Variants in CD68 observed in about 807,000 individuals in gnomAD.
CD68 encodes macrosialin.
Under a neutral mutation model 31.3 loss-of-function variants are expected in CD68, and 24 were observed. The ratio of observed to expected loss-of-function variants is 0.77; its 90% CI spans 0.55 to 1.08. The LOEUF is 1.08. CD68 is among the 50% of genes least tolerant of loss of function. CD68 has a pLI of 0.00. For synonymous variants in CD68, 190 were observed against 179.6 expected, an observed-to-expected ratio of 1.06 and a Z score of -0.46; for missense variants, 461 against 442.5, an observed-to-expected ratio of 1.04 and a Z score of -0.38.
Position 7,580,903 on chromosome 17 carries a change from A to T in CD68, c.768A>T (p.Thr256=), listed in dbSNP as rs2071476474. 6.2e-7 allele frequency: 1 copy of T among 1,613,824 alleles called. No homozygotes were observed. The highest frequency in any genetic ancestry group is 8.5e-7 in the Non-Finnish European group (1 of 1,179,960). The part of the protein sequence containing the change: ...NVSFPHAAQW[T]FSAQNASLRD... ...CCTTCCTCACTCCTCCAGAGTGGAC[A>T]TTCTCGGCTCAGAATGCATCCCTTC... Residue 256 remains threonine, a synonymous_variant, in exon 5 of 6, where the codon ACA becomes ACT. Coordinates refer to ENST00000250092, the MANE Select transcript of CD68 (RefSeq NM_001251.3). This position sits in a 1 kb window ranked among gnomAD's most constrained non-coding sequence, Gnocchi z 4.3.
intron 5 of CD68, 125 bp downstream of exon 5, chr17:7,581,191 G>A: frequency 8.6e-7 from 1 of 1,158,180 alleles, no homozygotes; most frequent in South Asian, 1.4e-5. Context: ...GCTTGTCATG[G>A]CTACAGGGCA....
intron 5 of CD68, 71 bp from the exon 6 acceptor site, chr17:7,581,307 A>C (rs1034406639): frequency 2.0e-5 from 31 of 1,546,186 alleles, no homozygotes; most frequent in African/African-American, 1.6e-4. Context: ...GCATCCCCCC[A>C]TTCCCTCCTC....
Position 7,581,869 on chromosome 17 carries a change from GAGCCGTCATCGCGCCACTA to G in CD68, c.*363_*381del, listed in dbSNP as rs1400498668. 10 of 261,862 alleles carry G rather than the reference GAGCCGTCATCGCGCCACTA, an allele frequency of 3.8e-5. No homozygotes were observed. The East Asian group carries it at 8.9e-4, about 23-fold the overall frequency. The allele number at this position is 261,862 out of a possible 1,614,324, so 16.2% of individuals were successfully genotyped here. On this transcript the variant is annotated 3_prime_UTR_variant, in exon 6 of 6. Transcript: ENST00000250092. Reference sequence around the variant, plus strand: ...GAACCCAGGAGGTGGAGGTTGCAGTGAGCCGTCATCGCGCCACTAAGCCAAGATCGCGCCACTGCACTCC... The same window carrying G: ...GAACCCAGGAGGTGGAGGTTGCAGTGAGCCAAGATCGCGCCACTGCACTCC...
Position 7,581,494 on chromosome 17 carries a change from G to A in CD68, c.1048G>A (p.Ala350Thr), listed in dbSNP as rs9901675. ...AFCIIRRRPS[A>T]YQAL Reference sequence around the variant, plus strand: ...CTGCATCATCCGGAGACGCCCATCCGCCTACCAGGCCCTCTGAGCATTTGC... The same window carrying A: ...CTGCATCATCCGGAGACGCCCATCCACCTACCAGGCCCTCTGAGCATTTGC... Residue 350 changes from alanine to threonine, a missense_variant, in exon 6 of 6, where the codon GCC becomes ACC. Transcript: ENST00000250092. 86,039 of 1,614,022 alleles carry A rather than the reference G, an allele frequency of 0.053. 2,547 individuals carry two copies. The highest frequency in any genetic ancestry group is 0.1 in the South Asian group (9,506 of 91,084).
rs764970989 is a variant in CD68 at position 7,580,376 on chromosome 17, T to C, written c.567+49T>C. On this transcript the variant is annotated intron_variant, in intron 2 of 5. Coordinates refer to ENST00000250092, the MANE Select transcript of CD68 (RefSeq NM_001251.3). The surrounding 1 kb of genome is among the most constrained non-coding windows in gnomAD (Gnocchi z 4.3). ...GAGGGGAGGGAGGCAGGACTGGATA[T>C]AGGCTCAGAGGGAAGAAGGAAGAGG... 1.9e-6 allele frequency: 3 copies of C among 1,608,684 alleles called. No homozygotes were observed. Among genetic ancestry groups the C allele is most frequent in the Middle Eastern group, 1.7e-4 (1 of 6,036 alleles).
rs531871445 is a variant in CD68 at position 7,579,804 on chromosome 17, C to T, written c.50-6C>T. On this transcript the variant is annotated splice_polypyrimidine_tract_variant and splice_region_variant and intron_variant, in intron 1 of 5. Coordinates refer to ENST00000250092, the MANE Select transcript of CD68 (RefSeq NM_001251.3). The stretch of plus-strand genomic sequence containing the variant: ...GGGTTGCTAACCATCTCCTCTCTGC[C>T]AAAAGCCCAGGGGACAGGGAATGAC... The T allele has an allele frequency of 1.2e-5, 20 of 1,610,730 alleles. No individual in the cohort carries two copies. The highest frequency in any genetic ancestry group is 1.7e-5 in the Admixed American group (1 of 59,796).
At position 7,580,498 on chromosome 17, in the gene CD68, A is replaced by T; in HGVS notation, c.600A>T (p.Lys200Asn). The T allele has an allele frequency of 6.2e-7, 1 of 1,613,852 alleles. No individual in the cohort carries two copies. Among genetic ancestry groups the T allele is most frequent in the Non-Finnish European group, 8.5e-7 (1 of 1,179,932 alleles). Reference protein sequence around the residue: ...AWGISVLNPNKTKVQGSCEGA... With the variant: ...AWGISVLNPNNTKVQGSCEGA... ...GCATCTCTGTACTGAACCCCAACAA[A>T]ACCAAGGTCCAGGGAAGCTGTGAGG... Residue 200 changes from lysine to asparagine, a missense_variant, in exon 3 of 6, where the codon AAA becomes AAT. Lys to Asn is a moderately conservative substitution (Grantham distance 94, BLOSUM62 0). Coordinates refer to ENST00000250092, the MANE Select transcript of CD68 (RefSeq NM_001251.3). The surrounding 1 kb of genome is among the most constrained non-coding windows in gnomAD (Gnocchi z 4.3).
At position 7,580,654 on chromosome 17, in the gene CD68, G is replaced by A. The variant is rs2071472311; in HGVS notation, c.688-57G>A. 7 of 1,613,354 alleles carry A rather than the reference G, an allele frequency of 4.3e-6. No homozygotes were observed. The highest frequency in any genetic ancestry group is 1.7e-4 in the Middle Eastern group (1 of 6,056). On this transcript the variant is annotated intron_variant, in intron 3 of 5. Transcript: ENST00000250092. The surrounding 1 kb of genome is among the most constrained non-coding windows in gnomAD (Gnocchi z 4.3). ...CGCCCCTCCCCTCCCAATCCCACAC[G>A]CTACTCCTTCCTCTGTGGAGAGGGA...
Position 7,581,557 on chromosome 17 carries a change from G to A in CD68, c.*46G>A, listed in dbSNP as rs1286627144. On this transcript the variant is annotated 3_prime_UTR_variant, in exon 6 of 6. Coordinates refer to ENST00000250092, the MANE Select transcript of CD68 (RefSeq NM_001251.3). ...GGCACTGAGGGGGTTGGGGTGTGGT[G>A]GGGGGGTACCCTTATTTCCTCGACA... The A allele has an allele frequency of 6.3e-7, 1 of 1,595,060 alleles. No homozygotes were observed. Among genetic ancestry groups the A allele is most frequent in the Non-Finnish European group, 8.6e-7 (1 of 1,164,218 alleles).
At chr17:7,581,353 C>A in intron 5 of CD68, 25 bp from the exon 6 acceptor site, 3 of 1,614,028 alleles carry the variant, frequency 1.9e-6, no homozygotes, top group Non-Finnish European at 2.5e-6. Flanking sequence ...ACTGCAAATA[C>A]CTACCTGCCC....
At position 7,580,001 on chromosome 17, in the gene CD68, C is replaced by A. The variant is rs202240404; in HGVS notation, c.241C>A (p.Pro81Thr). 3.4e-5 allele frequency: 54 copies of A among 1,609,194 alleles called. No homozygotes were observed. The highest frequency in any genetic ancestry group is 2.6e-6 in the Non-Finnish European group (3 of 1,175,938). Residue 81 changes from proline to threonine, a missense_variant, in exon 2 of 6, where the codon CCC becomes ACC. By Grantham distance (38) the Pro-to-Thr change is conservative. Coordinates refer to ENST00000250092, the MANE Select transcript of CD68 (RefSeq NM_001251.3). The surrounding 1 kb of genome is among the most constrained non-coding windows in gnomAD (Gnocchi z 4.3). Reference protein sequence around the residue: ...SHGPTTATHNPTTTSHGNVTV... With the variant: ...SHGPTTATHNTTTTSHGNVTV... ...CGGACCCACGACTGCCACTCACAAC[C>A]CCACCACCACCAGCCATGGAAACGT... is the stretch of plus-strand genomic sequence containing the variant.
Position 7,581,445 on chromosome 17 carries a change from C to A in CD68, c.999C>A (p.Leu333=). The change falls in exon 6 of 6, where the codon CTC becomes CTA. Residue 333 remains leucine, a synonymous_variant. Coordinates refer to ENST00000250092, the MANE Select transcript of CD68 (RefSeq NM_001251.3). The part of the protein sequence containing the change: ...PLIIGLILLG[L]LALVLIAFCI... ...TCATCGGCCTGATCCTTCTTGGCCT[C>A]CTCGCCCTGGTGCTTATTGCTTTCT... is the stretch of plus-strand genomic sequence containing the variant. 1 of 1,614,154 alleles carries A rather than the reference C, an allele frequency of 6.2e-7. No individual in the cohort carries two copies. Among genetic ancestry groups the A allele is most frequent in the Middle Eastern group, 1.6e-4 (1 of 6,062 alleles).
At chr17:7,581,292 C>T in intron 5 of CD68, 86 bp from the exon 6 acceptor site, 1 of 1,529,384 alleles carries the variant, frequency 6.5e-7, no homozygotes, top group South Asian at 1.1e-5. Flanking sequence ...ATCTCCTACT[C>T]CCCAGCATCC....
rs1366677841 is a variant in CD68, at chr17:7,580,773, C to T, written c.750C>T (p.Pro250=). 8.1e-6 allele frequency: 13 copies of T among 1,613,948 alleles called. No individual in the cohort carries two copies. Among genetic ancestry groups the T allele is most frequent in the Non-Finnish European group, 1.1e-5 (13 of 1,180,000 alleles). ...YMAVEYNVSF[P]HAAQWTFSAQ... ...CGGTGGAGTACAATGTGTCCTTCCC[C>T]CACGCAGCACGTAAGTAACCTCCTT... Residue 250 remains proline, a synonymous_variant, in exon 4 of 6, where the codon CCC becomes CCT. Transcript: ENST00000250092. The surrounding 1 kb of genome is among the most constrained non-coding windows in gnomAD (Gnocchi z 4.3).
rs1009330125 is a variant in CD68, at chr17:7,581,873, C to T, written c.*362C>T. 5 of 256,576 alleles carry T rather than the reference C, an allele frequency of 1.9e-5. No homozygotes were observed. The highest frequency in any genetic ancestry group is 4.5e-5 in the South Asian group (1 of 22,186). The allele number at this position is 256,576 out of a possible 1,614,324, so 15.9% of individuals were successfully genotyped here. On this transcript the variant is annotated 3_prime_UTR_variant, in exon 6 of 6. Transcript: ENST00000250092. ...CCAGGAGGTGGAGGTTGCAGTGAGC[C>T]GTCATCGCGCCACTAAGCCAAGATC...
rs1409546478 is a variant in CD68, at chr17:7,579,985, G to A, written c.225G>A (p.Thr75=). The change falls in exon 2 of 6, where the codon ACG becomes ACA. Residue 75 remains threonine, a synonymous_variant. Transcript: ENST00000250092. The stretch of plus-strand genomic sequence containing the variant: ...CAGGCACCACCAGCCACGGACCCAC[G>A]ACTGCCACTCACAACCCCACCACCA... The part of the protein sequence containing the change: ...TTTGTTSHGP[T]TATHNPTTTS... 5.0e-6 allele frequency: 8 copies of A among 1,608,552 alleles called. No homozygotes were observed. Among genetic ancestry groups the A allele is most frequent in the Admixed American group, 1.7e-5 (1 of 59,888 alleles).
In CD68 at chr17:7,581,642, C is replaced by G; in HGVS notation, c.*131C>G. 1 of 999,832 alleles carries G rather than the reference C, an allele frequency of 1.0e-6. No homozygotes were observed. The highest frequency in any genetic ancestry group is 1.5e-5 in the South Asian group (1 of 64,860). 61.9% of individuals were successfully genotyped at this position (999,832 alleles called of 1,614,324 possible). ...CCTTTCTTGAAGAACAAAAAGAAAG[C>G]CGGGCATGACGGCTCATGCCTGTAA... is the stretch of plus-strand genomic sequence containing the variant. On this transcript the variant is annotated 3_prime_UTR_variant, in exon 6 of 6. Coordinates refer to ENST00000250092, the MANE Select transcript of CD68 (RefSeq NM_001251.3).
intron 5 of CD68, 37 bp downstream of exon 5, chr17:7,581,103 C>G (rs2071479197): frequency 6.4e-7 from 1 of 1,570,430 alleles, no homozygotes; most frequent in African/African-American, 1.3e-5. Flanking sequence ...TAGAATCCTC[C>G]CACTGCACTG....
At position 7,580,929 on chromosome 17, in the gene CD68, G is replaced by A; in HGVS notation, c.794G>A (p.Arg265Gln). 6.2e-7 allele frequency: 1 copy of A among 1,613,878 alleles called. No homozygotes were observed. The highest frequency in any genetic ancestry group is 8.5e-7 in the Non-Finnish European group (1 of 1,179,962). Residue 265 changes from arginine to glutamine, a missense_variant, in exon 5 of 6, where the codon CGA becomes CAA. Coordinates refer to ENST00000250092, the MANE Select transcript of CD68 (RefSeq NM_001251.3). The surrounding 1 kb of genome is among the most constrained non-coding windows in gnomAD (Gnocchi z 4.3). ...WTFSAQNASL[R>Q]DLQAPLGQSF... Reference sequence around the variant, plus strand: ...TTCTCGGCTCAGAATGCATCCCTTCGAGATCTCCAAGCACCCCTGGGGCAG... The same window carrying A: ...TTCTCGGCTCAGAATGCATCCCTTCAAGATCTCCAAGCACCCCTGGGGCAG...
Sources: gnomAD v4.1 joint callset for allele counts on GRCh38, gnomAD v4.1.1 for gene constraint, Gnocchi (gnomAD v3.1) non-coding constraint, MANE v1.5 for transcripts, NCBI Gene and HGNC (gene_info 2026-07-23, HGNC 2026-07-21) for gene names.